The following EXOC4 variants were observed in gnomAD, a reference collection of about 807,000 sequenced individuals.
EXOC4 encodes exocyst complex component 4.
EXOC4 carries 71 observed loss-of-function variants against 107.2 expected under a neutral mutation model. That is an observed-to-expected ratio of 0.66 (90% CI 0.55 to 0.81). The LOEUF (loss-of-function observed/expected upper bound fraction) is 0.81. Among genes scored for constraint, EXOC4 ranks in the 30% least tolerant of loss-of-function variants. EXOC4 has a pLI of 0.00. For synonymous variants in EXOC4, 456 were observed against 441.2 expected, an observed-to-expected ratio of 1.03 and a Z score of -0.42; for missense variants, 1,108 against 1,189.6, an observed-to-expected ratio of 0.93 and a Z score of 1.01.
In EXOC4 at chr7:133,465,165, A is replaced by G. The variant is rs150005154; in HGVS notation, c.1183-10163A>G. Among the ~76,000 whole-genome samples, 744 of 152,268 alleles carry G rather than the reference A, an allele frequency of 4.9e-3. 8 individuals carry two copies. The highest frequency in any genetic ancestry group is 0.017 in the African/African-American group (707 of 41,560). ...AAGATAATTCTAGAGTTTGGTAGTC[A>G]AAGTTGAAAAGAAAAGGGGAGAAAG... On this transcript the variant is annotated intron_variant, in intron 7 of 17. Coordinates refer to ENST00000253861, the MANE Select transcript of EXOC4 (RefSeq NM_021807.4).
chr7:133,607,884 G>A (rs945837580), intron 9 of EXOC4, among the ~76,000 whole-genome samples: 5 of 152,150 alleles, frequency 3.3e-5, no homozygotes, highest in Non-Finnish European at 5.9e-5. Flanking sequence ...AAAGAAGCAC[G>A]GCTCTGAAAT....
At chr7:133,555,374 C>T (rs1283632594) in intron 9 of EXOC4, among the ~76,000 whole-genome samples, 1 of 151,952 alleles carries the variant, frequency 6.6e-6, no homozygotes, top group Non-Finnish European at 1.5e-5. Context: ...TGTATATGTT[C>T]CTGTTTTTAT....
chr7:133,988,792 G>C (rs1221406850), intron 14 of EXOC4, among the ~76,000 whole-genome samples: 1 of 152,156 alleles, frequency 6.6e-6, no homozygotes, highest in Admixed American at 6.5e-5. Flanking sequence ...TTGGAGAGGG[G>C]ATACGCTGAA....
intron 7 of EXOC4, among the ~76,000 whole-genome samples, chr7:133,440,212 T>A (rs1432409760): frequency 2.6e-5 from 4 of 152,170 alleles, no homozygotes; most frequent in African/African-American, 9.7e-5. Context: ...TTCTTATTTC[T>A]CTTCATGTTT....
At chr7:133,909,851 T>C (rs561869981) in intron 12 of EXOC4, among the ~76,000 whole-genome samples, 1 of 152,096 alleles carries the variant, frequency 6.6e-6, no homozygotes, top group East Asian at 1.9e-4. Flanking sequence ...CTTAATGATA[T>C]TCAAACACAG....
chr7:133,571,065 A>G (rs967194604), intron 9 of EXOC4, among the ~76,000 whole-genome samples: 2 of 152,318 alleles, frequency 1.3e-5, no homozygotes, highest in Non-Finnish European at 2.9e-5. Flanking sequence ...TCTGCCTTTA[A>G]GTAACTTAGA....
chr7:133,769,029 G>T (rs879404423), intron 10 of EXOC4, among the ~76,000 whole-genome samples: 3 of 151,952 alleles, frequency 2.0e-5, no homozygotes, highest in Non-Finnish European at 4.4e-5. Flanking sequence ...ACATACGCTT[G>T]GATGTCTGAT....
chr7:133,880,110 G>T (rs983574517), intron 11 of EXOC4, among the ~76,000 whole-genome samples: 1 of 151,880 alleles, frequency 6.6e-6, no homozygotes, highest in South Asian at 2.1e-4. Context: ...AAACCTCCCC[G>T]TCCTCCAGAT....
chr7:133,266,438 T>G (rs1169071321), intron 1 of EXOC4, among the ~76,000 whole-genome samples: 1 of 152,232 alleles, frequency 6.6e-6, no homozygotes, highest in Non-Finnish European at 1.5e-5. Context: ...TAAAATATCC[T>G]AAACTGCTTC....
At chr7:133,734,539 C>T (rs539390610) in intron 10 of EXOC4, among the ~76,000 whole-genome samples, 15 of 151,772 alleles carry the variant, frequency 9.9e-5, no homozygotes, top group South Asian at 6.2e-4. Flanking sequence ...ATTTTTCCCC[C>T]GGTTTCTGTA....
intron 10 of EXOC4, among the ~76,000 whole-genome samples, chr7:133,704,020 A>G (rs1188671973): frequency 1.3e-5 from 2 of 152,220 alleles, no homozygotes; most frequent in East Asian, 1.9e-4. Flanking sequence ...ATCTTGATAG[A>G]GCTTTGCTTG....
intron 5 of EXOC4, among the ~76,000 whole-genome samples, chr7:133,355,965 C>G (rs533529000): frequency 2.0e-5 from 3 of 152,292 alleles, no homozygotes; most frequent in African/African-American, 7.2e-5. Context: ...AGGCTAGGAT[C>G]CAGCTCTTCA....
At chr7:133,741,986 A>T (rs1243414840) in intron 10 of EXOC4, among the ~76,000 whole-genome samples, 3 of 152,190 alleles carry the variant, frequency 2.0e-5, no homozygotes, top group Non-Finnish European at 4.4e-5. Context: ...TATGAAATGA[A>T]TGCCCCCAAA....
chr7:133,705,597 G>C (rs1037800856), intron 10 of EXOC4, among the ~76,000 whole-genome samples: 3 of 152,080 alleles, frequency 2.0e-5, no homozygotes, highest in African/African-American at 7.2e-5. Context: ...CTTATTTTTG[G>C]TATATCCAAA....
downstream of EXOC4, among the ~76,000 whole-genome samples, chr7:134,071,452 A>G (rs955830779): frequency 5.3e-5 from 8 of 152,208 alleles, no homozygotes; most frequent in African/African-American, 1.7e-4. Context: ...ATGAATCTCA[A>G]GCTTCTTTTT....
At chr7:133,826,743 A>C (rs1166095787) in intron 11 of EXOC4, among the ~76,000 whole-genome samples, 1 of 152,198 alleles carries the variant, frequency 6.6e-6, no homozygotes, top group Non-Finnish European at 1.5e-5. Context: ...ACTGATATTT[A>C]CTGGTTTGTT....
At chr7:133,837,247 A>G (rs541826734) in intron 11 of EXOC4, among the ~76,000 whole-genome samples, 1 of 152,304 alleles carries the variant, frequency 6.6e-6, no homozygotes, top group African/African-American at 2.4e-5. Context: ...AGGAGGGTTC[A>G]TCCTGGTGAT....
At chr7:133,848,265 G>A (rs548502125) in intron 11 of EXOC4, among the ~76,000 whole-genome samples, 101 of 152,270 alleles carry the variant, frequency 6.6e-4, no homozygotes, top group Admixed American at 1.2e-3. Flanking sequence ...GAATGCAGAG[G>A]AGAAGAGGAG....
At chr7:133,780,444 A>G (rs1796441150) in intron 10 of EXOC4, among the ~76,000 whole-genome samples, 1 of 152,110 alleles carries the variant, frequency 6.6e-6, no homozygotes, top group Non-Finnish European at 1.5e-5. Context: ...GAGCTCAAAA[A>G]CTGTGTTAAG....
Sources: allele counts gnomAD v4.1 joint callset (sites outside exome capture counted in the v4.1 genomes callset), GRCh38; gene constraint gnomAD v4.1.1; transcripts MANE v1.5; gene names NCBI Gene and HGNC (gene_info 2026-07-23, HGNC 2026-07-21).